KCNAB1: variants seen among roughly 807,000 people sequenced by gnomAD.
KCNAB1 encodes potassium voltage-gated channel subfamily A regulatory beta subunit 1.
Under a neutral mutation model 64.6 loss-of-function variants are expected in KCNAB1, and 35 were observed. The observed-to-expected ratio is 0.54, with a 90% confidence interval of 0.41 to 0.72. KCNAB1 has a LOEUF of 0.72. KCNAB1 is among the 30% of genes least tolerant of loss of function. The pLI, the probability that KCNAB1 is intolerant of heterozygous loss-of-function variation, is 0.00. For missense variants in KCNAB1, 401 were observed against 512.9 expected (o/e 0.78, Z 2.11); for synonymous variants, 177 against 183.8 (o/e 0.96, Z 0.30).
intron 1 of KCNAB1, among the ~76,000 whole-genome samples, chr3:156,286,978 C>T (rs1300675676): frequency 1.3e-5 from 2 of 152,180 alleles, no homozygotes; most frequent in African/African-American, 2.4e-5. Flanking sequence ...CAGAGAACCA[C>T]GTTCTTGCAC....
rs1314571995 is a variant in KCNAB1, at chr3:156,375,086, C to T, written c.276-46530C>T. Among the ~76,000 whole-genome samples, 2 of 135,634 alleles carry T rather than the reference C, an allele frequency of 1.5e-5. 1 individual carries two copies. Among genetic ancestry groups the T allele is most frequent in the Non-Finnish European group, 3.1e-5 (2 of 64,942 alleles). 89.0% of individuals were successfully genotyped at this position (135,634 alleles called of 152,430 possible). A position where few individuals can be genotyped will look rare whatever the true frequency, so the allele number is the denominator to read the frequency against. On this transcript the variant is annotated intron_variant, in intron 1 of 13. Transcript: ENST00000490337. ...TTCAGAGTAGGTCAGTTAAGGTAAACGATGATAAAATAACAATGCCTTGCA... is the reference window on the plus strand; with the variant it reads ...TTCAGAGTAGGTCAGTTAAGGTAAATGATGATAAAATAACAATGCCTTGCA...
intron 12 of KCNAB1, among the ~76,000 whole-genome samples, chr3:156,530,343 G>C (rs1718617185): frequency 6.6e-6 from 1 of 152,170 alleles, no homozygotes; most frequent in Non-Finnish European, 1.5e-5. Flanking sequence ...TGCAGCAGGA[G>C]AGTGGGGAAT....
At chr3:156,483,863 C>G (rs912088418) in intron 8 of KCNAB1, among the ~76,000 whole-genome samples, 2 of 152,114 alleles carry the variant, frequency 1.3e-5, no homozygotes, top group Admixed American at 1.3e-4. Context: ...TCTTTTCCAA[C>G]TGGGTTCCAT....
intron 1 of KCNAB1, among the ~76,000 whole-genome samples, chr3:156,156,442 G>A (rs1715728408): frequency 6.6e-6 from 1 of 152,152 alleles, no homozygotes; most frequent in African/African-American, 2.4e-5. Flanking sequence ...AGTAGAAGTA[G>A]GGTTACTGGT....
chr3:156,477,962 A>AT (rs1326310371), intron 8 of KCNAB1, among the ~76,000 whole-genome samples: 3 of 152,166 alleles, frequency 2.0e-5, no homozygotes, highest in African/African-American at 7.2e-5. Context: ...TACATGTACA[A>AT]TGGGGGTATA....
intron 1 of KCNAB1, chr3:156,217,887 G>T (rs917629540): frequency 6.6e-6 from 1 of 152,200 alleles, no homozygotes; most frequent in African/African-American, 2.4e-5. Context: ...TAGGAGGCAG[G>T]ACTAGCTTGT....
At chr3:156,506,742 G>A (rs1057371555) in intron 8 of KCNAB1, among the ~76,000 whole-genome samples, 4 of 152,174 alleles carry the variant, frequency 2.6e-5, no homozygotes, top group African/African-American at 9.6e-5. Context: ...AGTTTGGCCA[G>A]TGCCCTGATC....
At chr3:156,370,057 C>T (rs1444721456) in intron 1 of KCNAB1, among the ~76,000 whole-genome samples, 1 of 152,170 alleles carries the variant, frequency 6.6e-6, no homozygotes, top group Non-Finnish European at 1.5e-5. Flanking sequence ...TTTCACTTTC[C>T]ACCCTCTGGA....
At chr3:156,131,878 AT>A (rs1400666632) in intron 1 of KCNAB1, among the ~76,000 whole-genome samples, 6 of 152,236 alleles carry the variant, frequency 3.9e-5, no homozygotes, top group African/African-American at 1.4e-4. Context: ...ATAGCTGAGC[AT>A]TGACATGGAT....
chr3:156,332,380 G>T (rs928499673), intron 1 of KCNAB1, among the ~76,000 whole-genome samples: 3 of 152,116 alleles, frequency 2.0e-5, no homozygotes, highest in Non-Finnish European at 4.4e-5. Flanking sequence ...TTCATGAAGT[G>T]AAATCCTTTA....
chr3:156,189,593 T>A (rs1176190650), intron 1 of KCNAB1, among the ~76,000 whole-genome samples: 1 of 151,998 alleles, frequency 6.6e-6, no homozygotes, highest in Admixed American at 6.5e-5. Context: ...ATCTTTTGCA[T>A]CTCCTGTTCT....
rs187674564 is a variant in KCNAB1, at chr3:156,218,697, G to A, written c.275+97811G>A. On this transcript the variant is annotated intron_variant, in intron 1 of 13. Transcript: ENST00000490337. ...GGTATCCATGGCTGCAAGACCTGAAGACAGATCACATCACAGGACTCTTTG... is the reference window on the plus strand; with the variant it reads ...GGTATCCATGGCTGCAAGACCTGAAAACAGATCACATCACAGGACTCTTTG... Among the ~76,000 whole-genome samples the A allele has an allele frequency of 9.8e-3, 1,477 of 150,098 alleles. 20 individuals are homozygous for A. Among genetic ancestry groups the A allele is most frequent in the African/African-American group, 0.035 (1,414 of 40,818 alleles).
At chr3:156,402,830 T>C (rs1170337118) in intron 1 of KCNAB1, among the ~76,000 whole-genome samples, 1 of 152,252 alleles carries the variant, frequency 6.6e-6, no homozygotes, top group East Asian at 1.9e-4. Context: ...TGTTAGTTTT[T>C]TCCTCCCCCT....
chr3:156,522,551 C>G (rs1425400058), intron 11 of KCNAB1, among the ~76,000 whole-genome samples: 2 of 152,224 alleles, frequency 1.3e-5, no homozygotes. Context: ...AGCAGGCTAC[C>G]AGGTTAGGAG....
chr3:156,430,646 C>G (rs776478140), intron 2 of KCNAB1, among the ~76,000 whole-genome samples: 1 of 152,182 alleles, frequency 6.6e-6, no homozygotes, highest in Non-Finnish European at 1.5e-5. Flanking sequence ...GTGTTAGAGA[C>G]AGCAGACTCA....
intron 8 of KCNAB1, among the ~76,000 whole-genome samples, chr3:156,497,927 C>T (rs1029085147): frequency 6.6e-6 from 1 of 152,128 alleles, no homozygotes; most frequent in Admixed American, 6.5e-5. Flanking sequence ...GCATGGACTG[C>T]ATATTTATTT....
intron 1 of KCNAB1, among the ~76,000 whole-genome samples, chr3:156,399,119 T>G (rs1208498405): frequency 6.6e-6 from 1 of 152,218 alleles, no homozygotes; most frequent in Non-Finnish European, 1.5e-5. Context: ...TCATGATTAT[T>G]TTATTGGATA....
chr3:156,247,313 C>T (rs924623818), intron 1 of KCNAB1, among the ~76,000 whole-genome samples: 3 of 152,182 alleles, frequency 2.0e-5, no homozygotes, highest in African/African-American at 7.2e-5. Flanking sequence ...ACAGTCACTT[C>T]TGCAGCATTC....
In KCNAB1 at chr3:156,176,881, C is replaced by T. The variant is rs542291956; in HGVS notation, c.275+55995C>T. The stretch of plus-strand genomic sequence containing the variant: ...CGCTTGACTGGGACCAGCGGTAACT[C>T]TGGGCCTGTACGCTTCTGCTGTTCT... On this transcript the variant is annotated intron_variant, in intron 1 of 13. Transcript: ENST00000490337. The T allele has an allele frequency of 8.1e-5, 95 of 1,175,232 alleles. No homozygotes were observed. In the African/African-American group the frequency reaches 1.2e-3, roughly 15 times the overall value. The allele number at this position is 1,175,232 out of a possible 1,614,324, so 72.8% of individuals were successfully genotyped here. A position where few individuals can be genotyped will look rare whatever the true frequency, so the allele number is the denominator to read the frequency against.
Sources: gnomAD v4.1 joint callset for allele counts (sites outside exome capture counted in the v4.1 genomes callset) on GRCh38, gnomAD v4.1.1 for gene constraint, MANE v1.5 for transcripts, NCBI Gene and HGNC (gene_info 2026-07-23, HGNC 2026-07-21) for gene names.